The following ANO10 variants were observed in gnomAD, a reference collection of about 807,000 sequenced individuals.
ANO10 encodes anoctamin-10.
A neutral mutation model predicts 74.7 loss-of-function variants in ANO10; 77 were observed. The ratio of observed to expected loss-of-function variants is 1.03; its 90% CI spans 0.86 to 1.25. The LOEUF (loss-of-function observed/expected upper bound fraction) is 1.25, where lower values mean the gene tolerates loss of function less well. Among genes scored for constraint, ANO10 ranks in the 50% most tolerant of loss-of-function variants. ANO10 has a pLI of 0.00. For missense variants in ANO10, 721 were observed against 778.1 expected, an observed-to-expected ratio of 0.93 and a Z score of 0.87; for synonymous variants, 279 against 284.9, an observed-to-expected ratio of 0.98 and a Z score of 0.21.
chr3:43,391,746 G>A (rs1458404182), intron 12 of ANO10, among the ~76,000 whole-genome samples: 1 of 152,202 alleles, frequency 6.6e-6, no homozygotes, highest in Non-Finnish European at 1.5e-5. Flanking sequence ...CCAGCAGCCA[G>A]GGGAGTGAGC....
At position 43,576,771 on chromosome 3, in the gene ANO10, C is replaced by G. The variant is rs1274623516; in HGVS notation, c.1083G>C (p.Val361=). Residue 361 remains valine, a synonymous_variant, in exon 6 of 13, where the codon GTG becomes GTC. Coordinates refer to ENST00000292246, the MANE Select transcript of ANO10 (RefSeq NM_018075.5). ...GSEWTSVLLY[V]PSIIYAIVIE... Reference sequence around the variant, plus strand: ...TCACAATGGCATAGATGATGCTGGGCACATACAACAGGACACTGGTCCACT... The same window carrying G: ...TCACAATGGCATAGATGATGCTGGGGACATACAACAGGACACTGGTCCACT... The G allele has an allele frequency of 1.9e-6, 3 of 1,614,140 alleles. No homozygotes were observed. The highest frequency in any genetic ancestry group is 1.7e-5 in the Admixed American group (1 of 60,014).
Position 43,573,437 on chromosome 3 carries a change from C to T in ANO10, c.1218+1372G>A, listed in dbSNP as rs556600638. 1.1e-4 allele frequency among the ~76,000 whole-genome samples: 16 copies of T among 152,064 alleles called. No homozygotes were observed. The East Asian group carries it at 1.7e-3, about 17-fold the overall frequency. ...TGGTGATTTCTGATTTTTTAAGGAC[C>T]GAAAAACCAGATAGATAAACTTCTT... On this transcript the variant is annotated intron_variant, in intron 7 of 12. Coordinates refer to ENST00000292246, the MANE Select transcript of ANO10 (RefSeq NM_018075.5).
intron 2 of ANO10, among the ~76,000 whole-genome samples, chr3:43,602,684 A>G (rs1161129953): frequency 6.6e-6 from 1 of 152,212 alleles, no homozygotes; most frequent in East Asian, 1.9e-4. Context: ...GTTTTGAAAA[A>G]GAGCATTTTT....
rs1161258711 is a variant in ANO10 at position 43,573,517 on chromosome 3, C to A, written c.1218+1292G>T. Among the ~76,000 whole-genome samples, 4 of 152,280 alleles carry A rather than the reference C, an allele frequency of 2.6e-5. No homozygotes were observed. In the Middle Eastern group the frequency reaches 0.01, roughly 388 times the overall value. ...TCTAAAAGAGGGCCTGCATCCTTCT[C>A]TTGGGAGTAAAGTACACGGACTGTG... On this transcript the variant is annotated intron_variant, in intron 7 of 12. Transcript: ENST00000292246.
chr3:43,552,776 G>A (rs2079546528), intron 10 of ANO10, among the ~76,000 whole-genome samples: 1 of 149,210 alleles, frequency 6.7e-6, no homozygotes, highest in Admixed American at 6.7e-5. Context: ...GTATATGTGT[G>A]TATTTTATAT....
In ANO10 at chr3:43,606,946, C is replaced by A. The variant is rs542133121; in HGVS notation, c.-11-1083G>T. 3.3e-5 allele frequency among the ~76,000 whole-genome samples: 5 copies of A among 152,174 alleles called. No individual in the cohort carries two copies. In the South Asian group the frequency reaches 1.0e-3, roughly 32 times the overall value. The stretch of plus-strand genomic sequence containing the variant: ...ATGTGACATCAGAAGTGGAAAATTC[C>A]ACACGTAAGTACTTAGCACAAAGTT... On this transcript the variant is annotated intron_variant, in intron 1 of 12. Transcript: ENST00000292246.
intron 2 of ANO10, among the ~76,000 whole-genome samples, chr3:43,602,897 C>T (rs1465687771): frequency 6.6e-6 from 1 of 152,092 alleles, no homozygotes; most frequent in Non-Finnish European, 1.5e-5. Flanking sequence ...AAATAACATG[C>T]TTATAGAGCT....
At chr3:43,596,163 A>G (rs2082074312) in intron 4 of ANO10, among the ~76,000 whole-genome samples, 1 of 152,204 alleles carries the variant, frequency 6.6e-6, no homozygotes, top group South Asian at 2.1e-4. Context: ...GGAAGAATCA[A>G]TATCGTGAAA....
intron 1 of ANO10, among the ~76,000 whole-genome samples, chr3:43,667,907 G>A (rs1315962484): frequency 2.0e-5 from 3 of 152,110 alleles, no homozygotes; most frequent in African/African-American, 7.2e-5. Flanking sequence ...ACATGTGTGT[G>A]TAAGTATCTT....
intron 12 of ANO10, among the ~76,000 whole-genome samples, chr3:43,371,769 A>G (rs1235640371): frequency 1.3e-5 from 2 of 152,226 alleles, no homozygotes; most frequent in African/African-American, 4.8e-5. Context: ...ACATGCAGCT[A>G]GAGTCAGGGC....
At chr3:43,524,891 G>A (rs527818337) in intron 11 of ANO10, among the ~76,000 whole-genome samples, 32 of 152,196 alleles carry the variant, frequency 2.1e-4, no homozygotes, top group Non-Finnish European at 3.8e-4. Context: ...TGCCTCTCCA[G>A]AAGAGTCACT....
At chr3:43,655,553 T>C (rs12487342) in intron 1 of ANO10, among the ~76,000 whole-genome samples, 20,549 of 152,212 alleles carry the variant, frequency 0.14, 2,983 homozygotes, top group African/African-American at 0.36. Flanking sequence ...GCCCCACCCA[T>C]GTCCTGCTGA....
At chr3:43,599,972 A>G (rs2082263815) in intron 3 of ANO10, among the ~76,000 whole-genome samples, 1 of 152,186 alleles carries the variant, frequency 6.6e-6, no homozygotes, top group South Asian at 2.1e-4. Context: ...TTGATTGGTG[A>G]CAATCATTCT....
intron 11 of ANO10, among the ~76,000 whole-genome samples, chr3:43,507,648 A>T (rs954010688): frequency 6.6e-6 from 1 of 152,092 alleles, no homozygotes; most frequent in African/African-American, 2.4e-5. Context: ...CCCAGTGACC[A>T]GGGACACTCA....
At chr3:43,595,155 C>T (rs971736131) in intron 4 of ANO10, among the ~76,000 whole-genome samples, 45 of 152,038 alleles carry the variant, frequency 3.0e-4, no homozygotes, top group African/African-American at 9.9e-4. Flanking sequence ...CAGGACCAGA[C>T]AGATTCACAG....
At chr3:43,580,787 C>T (rs1225954991) in intron 4 of ANO10, among the ~76,000 whole-genome samples, 2 of 151,930 alleles carry the variant, frequency 1.3e-5, no homozygotes, top group Admixed American at 1.3e-4. Context: ...AGTGTATAAC[C>T]AGACATAAAA....
At chr3:43,599,395 G>A (rs2082232928) in intron 3 of ANO10, among the ~76,000 whole-genome samples, 1 of 151,984 alleles carries the variant, frequency 6.6e-6, no homozygotes, top group Admixed American at 6.6e-5. Context: ...TTTGGGGCCA[G>A]TATAGAACCA....
At chr3:43,659,080 G>C (rs1206444072) in intron 1 of ANO10, among the ~76,000 whole-genome samples, 1 of 152,168 alleles carries the variant, frequency 6.6e-6, no homozygotes, top group Non-Finnish European at 1.5e-5. Flanking sequence ...GAAAAATCCT[G>C]GTCATTTCCA....
chr3:43,410,998 T>C (rs2092655739), intron 12 of ANO10, among the ~76,000 whole-genome samples: 1 of 151,922 alleles, frequency 6.6e-6, no homozygotes, highest in African/African-American at 2.4e-5. Flanking sequence ...GGCTTACCTA[T>C]AAGAAAAGTT....
Sources: allele counts gnomAD v4.1 joint callset (sites outside exome capture counted in the v4.1 genomes callset), GRCh38; gene constraint gnomAD v4.1.1; transcripts MANE v1.5; gene names NCBI Gene and HGNC (gene_info 2026-07-23, HGNC 2026-07-21).